SRPK2: variants seen among roughly 807,000 people sequenced by gnomAD.
The protein encoded by SRPK2 is SRSF protein kinase 2.
In SRPK2, 21 loss-of-function variants were observed where a neutral mutation model predicts 90.8. The ratio of observed to expected loss-of-function variants is 0.23; its 90% CI spans 0.16 to 0.33. The LOEUF (loss-of-function observed/expected upper bound fraction) is 0.33, where lower values mean the gene tolerates loss of function less well. Among genes scored for constraint, SRPK2 ranks in the 10% least tolerant of loss-of-function variants. SRPK2 has a pLI of 1.00. For synonymous variants in SRPK2, 288 were observed against 311.1 expected (o/e 0.93, Z 0.78); for missense variants, 620 against 869.0 (o/e 0.71, Z 3.60).
At chr7:105,333,837 T>C (rs1285144627) in intron 2 of SRPK2, among the ~76,000 whole-genome samples, 1 of 152,262 alleles carries the variant, frequency 6.6e-6, no homozygotes. Context: ...ATACTATATT[T>C]ATACCATTAT....
intron 2 of SRPK2, among the ~76,000 whole-genome samples, chr7:105,362,545 C>T (rs984959922): frequency 2.7e-5 from 4 of 145,748 alleles, no homozygotes; most frequent in African/African-American, 1.0e-4. Flanking sequence ...AGTCAGGAAA[C>T]AACAGGTGCT....
chr7:105,176,298 A>G (rs1429989599), intron 3 of SRPK2, among the ~76,000 whole-genome samples: 1 of 152,196 alleles, frequency 6.6e-6, no homozygotes, highest in East Asian at 1.9e-4. Context: ...ACAATTCTCA[A>G]TGAAGCAGGA....
rs1563005807 is a variant in SRPK2, at chr7:105,159,463, A to AAAAAAAAAAAC, written c.621+1033_621+1043dup. Among the ~76,000 whole-genome samples, 18 of 146,570 alleles carry AAAAAAAAAAAC rather than the reference A, an allele frequency of 1.2e-4. 1 individual carries two copies. The highest frequency in any genetic ancestry group is 4.6e-4 in the African/African-American group (18 of 38,834). ...ACTCCGTCTCCAAAAAAAAAAAAAAAAAAAAAAAAACCGTACAAAAGGAAG... is the reference window on the plus strand; with the variant it reads ...ACTCCGTCTCCAAAAAAAAAAAAAAAAAAAAAAAAACAAAAAAAAAACCGTACAAAAGGAAG... On this transcript the variant is annotated intron_variant, in intron 7 of 15. Coordinates refer to ENST00000393651, the MANE Select transcript of SRPK2 (RefSeq NM_182692.3).
At chr7:105,274,315 A>C (rs1806202704) in intron 2 of SRPK2, among the ~76,000 whole-genome samples, 1 of 152,120 alleles carries the variant, frequency 6.6e-6, no homozygotes, top group Non-Finnish European at 1.5e-5. Context: ...TAATCCCAGC[A>C]CTTTGGGAGG....
chr7:105,129,007 G>T (rs1222124209), intron 13 of SRPK2, among the ~76,000 whole-genome samples: 2 of 152,178 alleles, frequency 1.3e-5, no homozygotes, highest in African/African-American at 4.8e-5. Flanking sequence ...GTCTCGCTCT[G>T]TCACCCAGGC....
At chr7:105,170,872 A>G (rs1402732541) in intron 3 of SRPK2, among the ~76,000 whole-genome samples, 44 of 125,100 alleles carry the variant, frequency 3.5e-4, no homozygotes, top group East Asian at 1.1e-3. Flanking sequence ...AGAAAGAAAG[A>G]AAGAAAGAAA....
intron 2 of SRPK2, among the ~76,000 whole-genome samples, chr7:105,256,612 T>C (rs6466050): frequency 0.43 from 65,787 of 151,900 alleles, 15,616 homozygotes; most frequent in South Asian, 0.53. Flanking sequence ...CCCACTCTGG[T>C]CTCCCAAAGC....
chr7:105,234,817 T>G (rs77340493), intron 2 of SRPK2, among the ~76,000 whole-genome samples: 2,502 of 151,386 alleles, frequency 0.017, 74 homozygotes, highest in African/African-American at 0.058. Context: ...AAAGGTTCAG[T>G]GTGGGTAAGA....
At chr7:105,149,874 G>C (rs1805365673) in intron 7 of SRPK2, among the ~76,000 whole-genome samples, 1 of 152,172 alleles carries the variant, frequency 6.6e-6, no homozygotes, top group Non-Finnish European at 1.5e-5. Flanking sequence ...TTACCTTACA[G>C]AGTATTTTTA....
rs1036236852 is a variant in SRPK2, at chr7:105,116,378, GA to G, written c.*1459del. ...AGGGCAATGACCAAGGCAATGTCTG[GA>G]AAAAAAAAAACCAAAACACTTTAAT... On this transcript the variant is annotated 3_prime_UTR_variant, in exon 16 of 16. Coordinates refer to ENST00000393651, the MANE Select transcript of SRPK2 (RefSeq NM_182692.3). 1.0e-3 allele frequency: 150 copies of G among 143,358 alleles called. No individual in the cohort carries two copies. The highest frequency in any genetic ancestry group is 4.8e-3 in the East Asian group (24 of 4,958). The allele number at this position is 143,358 out of a possible 1,614,324, so 8.9% of individuals were successfully genotyped here. A position where few individuals can be genotyped will look rare whatever the true frequency, so the allele number is the denominator to read the frequency against.
intron 2 of SRPK2, among the ~76,000 whole-genome samples, chr7:105,205,231 C>T (rs1796047783): frequency 1.3e-5 from 2 of 152,146 alleles, no homozygotes; most frequent in South Asian, 2.1e-4. Flanking sequence ...GAATAGAAGG[C>T]AGCAGAAACA....
At chr7:105,219,748 C>T (rs1479120701) in intron 2 of SRPK2, among the ~76,000 whole-genome samples, 1 of 152,194 alleles carries the variant, frequency 6.6e-6, no homozygotes, top group East Asian at 1.9e-4. Context: ...ATTTCATAAT[C>T]TGACAGTGAT....
chr7:105,300,177 C>A (rs1000514753), intron 2 of SRPK2, among the ~76,000 whole-genome samples: 1 of 142,690 alleles, frequency 7.0e-6, no homozygotes, highest in Non-Finnish European at 1.5e-5. Flanking sequence ...TGCTTCAACT[C>A]GGGAGGCAGA....
intron 1 of SRPK2, among the ~76,000 whole-genome samples, chr7:105,396,282 G>C (rs1822319460): frequency 6.6e-6 from 1 of 151,902 alleles, no homozygotes; most frequent in African/African-American, 2.4e-5. Context: ...CTTCAGTCCA[G>C]TAGTTTGACT....
At chr7:105,252,484 T>G (rs1802609104) in intron 2 of SRPK2, among the ~76,000 whole-genome samples, 1 of 152,184 alleles carries the variant, frequency 6.6e-6, no homozygotes, top group African/African-American at 2.4e-5. Context: ...GAGTGGTTTT[T>G]GAATTTTAAA....
chr7:105,122,142 C>T (rs1800473801), intron 15 of SRPK2, among the ~76,000 whole-genome samples: 1 of 152,164 alleles, frequency 6.6e-6, no homozygotes, highest in Non-Finnish European at 1.5e-5. Flanking sequence ...TACCTCACAT[C>T]CCATACAAAA....
intron 2 of SRPK2, among the ~76,000 whole-genome samples, chr7:105,353,051 G>A (rs762310947): frequency 1.3e-5 from 2 of 152,124 alleles, no homozygotes; most frequent in African/African-American, 4.8e-5. Context: ...CTGAGACTAA[G>A]TCATAAATCC....
chr7:105,148,927 C>G (rs1407298038), intron 7 of SRPK2, among the ~76,000 whole-genome samples: 1 of 152,148 alleles, frequency 6.6e-6, no homozygotes, highest in Non-Finnish European at 1.5e-5. Flanking sequence ...TCGCCATTCT[C>G]TAGTCTCAAT....
intron 2 of SRPK2, among the ~76,000 whole-genome samples, chr7:105,308,127 C>T (rs1001291736): frequency 1.3e-5 from 2 of 152,136 alleles, no homozygotes; most frequent in African/African-American, 4.8e-5. Context: ...AGAGTTTTTG[C>T]TGCTCTACCT....
Sources: allele counts gnomAD v4.1 joint callset (sites outside exome capture counted in the v4.1 genomes callset), GRCh38; gene constraint gnomAD v4.1.1; transcripts MANE v1.5; gene names NCBI Gene and HGNC (gene_info 2026-07-23, HGNC 2026-07-21).